Variants in HDAC4 observed in about 807,000 individuals in gnomAD.
HDAC4 encodes the protein histone deacetylase A.
Under a neutral mutation model 135.1 loss-of-function variants are expected in HDAC4, and 16 were observed. The ratio of observed to expected loss-of-function variants is 0.12; its 90% CI spans 0.08 to 0.18. HDAC4 has a LOEUF of 0.18. Ranked by LOEUF, HDAC4 falls within the 10% of genes least tolerant of loss-of-function variation. The pLI, the probability that HDAC4 is intolerant of heterozygous loss-of-function variation, is 1.00. For missense variants in HDAC4, 1,143 were observed against 1,511.8 expected, an observed-to-expected ratio of 0.76 and a Z score of 4.05; for synonymous variants, 685 against 653.4, an observed-to-expected ratio of 1.05 and a Z score of -0.74.
intron 2 of HDAC4, among the ~76,000 whole-genome samples, chr2:239,350,951 A>G (rs1175384588): frequency 1.3e-5 from 2 of 152,226 alleles, no homozygotes; most frequent in Non-Finnish European, 2.9e-5. Flanking sequence ...ATGCACCCCC[A>G]TTAAAATAAT....
intron 17 of HDAC4, 67 bp downstream of exon 17, chr2:239,094,943 C>T (rs749890961): frequency 7.4e-6 from 12 of 1,611,278 alleles, no homozygotes; most frequent in Admixed American, 3.3e-5. Context: ...AGCAAGGCTG[C>T]GATTTCTGTG....
At chr2:239,119,248 G>A (rs1406386846) in intron 12 of HDAC4, among the ~76,000 whole-genome samples, 5 of 152,208 alleles carry the variant, frequency 3.3e-5, no homozygotes, top group African/African-American at 1.2e-4. Flanking sequence ...CAAAGAATCT[G>A]AAAGCAGAAC....
At position 239,372,582 on chromosome 2, in the gene HDAC4, G is replaced by A. The variant is rs1024201308; in HGVS notation, c.-219-19664C>T. Reference sequence around the variant, plus strand: ...TCTGCAGCTCCCACTCCTACATCCCGGCCTCCCGGTACACCAGGAGCTCTG... The same window carrying A: ...TCTGCAGCTCCCACTCCTACATCCCAGCCTCCCGGTACACCAGGAGCTCTG... On this transcript the variant is annotated intron_variant, in intron 1 of 26. Coordinates refer to ENST00000543185, the MANE Select transcript of HDAC4 (RefSeq NM_001378414.1). Among the ~76,000 whole-genome samples, 20 of 152,262 alleles carry A rather than the reference G, an allele frequency of 1.3e-4. No homozygotes were observed. In the South Asian group the frequency reaches 2.3e-3, roughly 17 times the overall value.
At chr2:239,337,976 G>A (rs2018414) in intron 2 of HDAC4, among the ~76,000 whole-genome samples, 50,205 of 151,974 alleles carry the variant, frequency 0.33, 9,650 homozygotes, top group East Asian at 0.74. Flanking sequence ...GATCTGGTCT[G>A]GAAATCCCAG....
chr2:239,351,258 A>G (rs1464762616), intron 2 of HDAC4, among the ~76,000 whole-genome samples: 1 of 152,254 alleles, frequency 6.6e-6, no homozygotes, highest in Non-Finnish European at 1.5e-5. Flanking sequence ...TGGTATAAAC[A>G]CTGCTACAAC....
At chr2:239,248,046 G>A (rs527251932) in intron 2 of HDAC4, among the ~76,000 whole-genome samples, 10 of 152,308 alleles carry the variant, frequency 6.6e-5, no homozygotes, top group Admixed American at 2.0e-4. Flanking sequence ...CATAACACTC[G>A]GTGATGTTCT....
At chr2:239,344,993 G>T (rs960158985) in intron 2 of HDAC4, among the ~76,000 whole-genome samples, 4 of 152,074 alleles carry the variant, frequency 2.6e-5, no homozygotes, top group African/African-American at 9.7e-5. Context: ...CATGCTCTCA[G>T]GCCCTGCCAC....
chr2:239,106,117 C>T (rs895333507), intron 15 of HDAC4, among the ~76,000 whole-genome samples: 7 of 152,242 alleles, frequency 4.6e-5, no homozygotes, highest in South Asian at 2.1e-4. Context: ...CCTCTGCCAG[C>T]CCCTGGCCCA....
In HDAC4 at chr2:239,102,819, C is replaced by G; in HGVS notation, c.2190G>C (p.Thr730=). ...CCAGTTTCTGCCGGTTGAGGGGGTTCGTGCCATACAGGAGGGTGTGGGCTT... is the reference window on the plus strand; with the variant it reads ...CCAGTTTCTGCCGGTTGAGGGGGTTGGTGCCATACAGGAGGGTGTGGGCTT... ...HSEAHTLLYG[T]NPLNRQKLDS... is the part of the protein sequence containing the mutation. Residue 730 remains threonine (T), a synonymous_variant, in exon 16 of 27, where the codon ACG becomes ACC. Transcript: ENST00000543185. 6.2e-7 allele frequency: 1 copy of G among 1,613,940 alleles called. No homozygotes were observed. The highest frequency in any genetic ancestry group is 8.5e-7 in the Non-Finnish European group (1 of 1,180,016).
Position 239,349,515 on chromosome 2 carries a change from A to C in HDAC4, c.22+3163T>G, listed in dbSNP as rs1428822681. 1.3e-5 allele frequency among the ~76,000 whole-genome samples: 2 copies of C among 152,214 alleles called. No individual in the cohort carries two copies. The highest frequency in any genetic ancestry group is 2.9e-5 in the Non-Finnish European group (2 of 68,034). On this transcript the variant is annotated intron_variant, in intron 2 of 26. Transcript: ENST00000543185. This position sits in a 1 kb window ranked among gnomAD's most constrained non-coding sequence, Gnocchi z 5.7. Reference sequence around the variant, plus strand: ...CATCAGCTGACAAGAAACACAGAGGAACTTCCCGAAACTAGAGATCTCTGG... The same window carrying C: ...CATCAGCTGACAAGAAACACAGAGGCACTTCCCGAAACTAGAGATCTCTGG...
chr2:239,051,584 A>G lies in HDAC4; in HGVS notation c.*1513T>C, dbSNP rs918683288. On this transcript the variant is annotated 3_prime_UTR_variant, in exon 27 of 27. Transcript: ENST00000543185. ...ATACAAAAATCAACAGCAAATTTAT[A>G]TTCTTTGCTATAAAAACTCATTAGG... is the stretch of plus-strand genomic sequence containing the variant. 1 of 152,640 alleles carries G rather than the reference A, an allele frequency of 6.6e-6. No homozygotes were observed. Among genetic ancestry groups the G allele is most frequent in the South Asian group, 2.1e-4 (1 of 4,838 alleles). The allele number at this position is 152,640 out of a possible 1,614,324, so 9.5% of individuals were successfully genotyped here.
At chr2:239,277,452 G>A (rs993034833) in intron 2 of HDAC4, among the ~76,000 whole-genome samples, 4 of 152,226 alleles carry the variant, frequency 2.6e-5, no homozygotes, top group East Asian at 1.9e-4. Flanking sequence ...AGTACGGGCC[G>A]GTCAGCAGGA....
intron 11 of HDAC4, among the ~76,000 whole-genome samples, chr2:239,127,372 T>C (rs554707785): frequency 3.9e-5 from 6 of 152,354 alleles, no homozygotes; most frequent in African/African-American, 1.4e-4. Context: ...TGATAGATGA[T>C]CTTGCTTTAA....
At chr2:239,113,499 TACG>T (rs1457487091) in intron 13 of HDAC4, among the ~76,000 whole-genome samples, 1 of 152,242 alleles carries the variant, frequency 6.6e-6, no homozygotes, top group African/African-American at 2.4e-5. Flanking sequence ...CTCCGTGTAC[TACG>T]ACGTTTCCCT....
intron 2 of HDAC4, among the ~76,000 whole-genome samples, chr2:239,311,488 C>A (rs2052875788): frequency 1.3e-5 from 2 of 152,176 alleles, no homozygotes; most frequent in South Asian, 4.1e-4. Context: ...AATGTAGAAT[C>A]CAAGTGTTAC....
At chr2:239,371,578 C>A (rs1345240591) in intron 1 of HDAC4, among the ~76,000 whole-genome samples, 2 of 151,982 alleles carry the variant, frequency 1.3e-5, no homozygotes, top group Non-Finnish European at 2.9e-5. Context: ...GTGTAACACA[C>A]CCACAGACAT....
At chr2:239,066,999 T>C (rs1460750358) in intron 23 of HDAC4, 144 bp from the exon 24 acceptor site, 1 of 959,672 alleles carries the variant, frequency 1.0e-6, no homozygotes, top group South Asian at 1.5e-5. Flanking sequence ...TTTAATAAAT[T>C]CGCTGAAGAG....
At chr2:239,282,345 C>T (rs866256266) in intron 2 of HDAC4, among the ~76,000 whole-genome samples, 1 of 146,318 alleles carries the variant, frequency 6.8e-6, no homozygotes, top group African/African-American at 2.5e-5. Context: ...CACCACTCTC[C>T]ACACAATGTA....
At chr2:239,390,396 T>G (rs1022795263) in intron 1 of HDAC4, among the ~76,000 whole-genome samples, 11 of 152,220 alleles carry the variant, frequency 7.2e-5, no homozygotes, top group African/African-American at 2.6e-4. Context: ...TAGCCAGCCA[T>G]GGTGGCATGC....
Sources: gnomAD v4.1 joint callset for allele counts (sites outside exome capture counted in the v4.1 genomes callset) on GRCh38, gnomAD v4.1.1 for gene constraint, Gnocchi (gnomAD v3.1) non-coding constraint, MANE v1.5 for transcripts, NCBI Gene and HGNC (gene_info 2026-07-23, HGNC 2026-07-21) for gene names.